HAAO: variants seen among roughly 807,000 people sequenced by gnomAD.
HAAO encodes 3-hydroxyanthranilate oxygenase.
In HAAO, 49 loss-of-function variants were observed where a neutral mutation model predicts 46.2. That is an observed-to-expected ratio of 1.06 (90% CI 0.84 to 1.34). The LOEUF (loss-of-function observed/expected upper bound fraction) is 1.34. Among genes scored for constraint, HAAO ranks in the 40% most tolerant of loss-of-function variants. The pLI is 0.00. For synonymous variants in HAAO, 157 were observed against 145.2 expected (o/e 1.08, Z -0.58); for missense variants, 408 against 364.5 (o/e 1.12, Z -0.97).
At chr2:42,791,326 T>A (rs1672782703) in intron 1 of HAAO, among the ~76,000 whole-genome samples, 1 of 152,076 alleles carries the variant, frequency 6.6e-6, no homozygotes, top group South Asian at 2.1e-4. Context: ...CCCGGGCAGA[T>A]GGACGCGAGA....
chr2:42,769,716 G>C lies in HAAO; in HGVS notation c.627C>G (p.Thr209=). ...PLSLFGDTYE[T]QVIAYGQGSS... The stretch of plus-strand genomic sequence containing the variant: ...GGATGCCCCAGGACTACATTACCTG[G>C]GTCTCATAGGTGTCCCCAAACAGGC... Residue 209 remains threonine, a synonymous_variant, in exon 7 of 10, where the codon ACC becomes ACG. Transcript: ENST00000294973. 1 of 1,609,192 alleles carries C rather than the reference G, an allele frequency of 6.2e-7. No individual in the cohort carries two copies. Among genetic ancestry groups the C allele is most frequent in the Middle Eastern group, 1.7e-4 (1 of 6,030 alleles).
intron 4 of HAAO, among the ~76,000 whole-genome samples, chr2:42,776,384 A>G (rs1378437469): frequency 6.6e-6 from 1 of 151,676 alleles, no homozygotes; most frequent in Non-Finnish European, 1.5e-5. Context: ...GATTACAGGT[A>G]TGTGCCACCA....
intron 8 of HAAO, 38 bp from the exon 9 acceptor site, chr2:42,767,715 T>C (rs1462957145): frequency 1.3e-6 from 2 of 1,557,592 alleles, no homozygotes; most frequent in South Asian, 2.3e-5. Context: ...TGGAGACTGT[T>C]GGGCCTCATC....
chr2:42,788,896 A>C, intron 1 of HAAO: 1 of 397,268 alleles, frequency 2.5e-6, no homozygotes, highest in South Asian at 2.9e-5. Context: ...CTATGGCTTC[A>C]TCAACCAGGA....
chr2:42,770,578 A>G lies in HAAO; in HGVS notation c.355T>C (p.Tyr119His). The change falls in exon 5 of 10, where the codon TAT (tyrosine) becomes CAT (histidine). Residue 119 changes from tyrosine to histidine, a missense_variant. By Grantham distance (83) the Tyr-to-His change is moderately conservative. Transcript: ENST00000294973. ...AGAACGTCCATGGTGTCGCCCACAT[A>G]GTACCTGCCAGAGCAGAGGACAGGC... Reference protein sequence around the residue: ...LETELDGLRYYVGDTMDVLFE... With the variant: ...LETELDGLRYHVGDTMDVLFE... 6.5e-7 allele frequency: 1 copy of G among 1,549,330 alleles called. No homozygotes were observed. The highest frequency in any genetic ancestry group is 8.7e-7 in the Non-Finnish European group (1 of 1,145,382).
At chr2:42,769,540 G>A (rs900208881) in intron 7 of HAAO, among the ~76,000 whole-genome samples, 173 bp downstream of exon 7, 1 of 151,976 alleles carries the variant, frequency 6.6e-6, no homozygotes, top group Admixed American at 6.6e-5. Flanking sequence ...GGAGCACAAA[G>A]GCCTATGCTC....
chr2:42,785,496 T>C (rs1337624828), intron 2 of HAAO, among the ~76,000 whole-genome samples: 1 of 152,188 alleles, frequency 6.6e-6, no homozygotes, highest in African/African-American at 2.4e-5. Flanking sequence ...CGTGGTGGGA[T>C]TATGAATGAG....
Position 42,792,438 on chromosome 2 carries a change from A to G in HAAO, c.80+19T>C. On this transcript the variant is annotated intron_variant, in intron 1 of 9. Coordinates refer to ENST00000294973, the MANE Select transcript of HAAO (RefSeq NM_012205.3). ...GAGGAGGCGAGGGCAGGGGGCGGCC[A>G]TGGGGGTGCTGGACTCACATGAGCT... 6.7e-7 allele frequency: 1 copy of G among 1,490,636 alleles called. No individual in the cohort carries two copies. The highest frequency in any genetic ancestry group is 1.2e-5 in the South Asian group (1 of 82,068). The allele number at this position is 1,490,636 out of a possible 1,614,324, so 92.3% of individuals were successfully genotyped here.
intron 2 of HAAO, among the ~76,000 whole-genome samples, chr2:42,785,905 C>A (rs1279552058): frequency 6.6e-6 from 1 of 152,046 alleles, no homozygotes; most frequent in Non-Finnish European, 1.5e-5. Context: ...ACAAAAACCC[C>A]ATAAGCATTA....
At chr2:42,787,104 C>T (rs912235853) in intron 2 of HAAO, among the ~76,000 whole-genome samples, 59 of 152,338 alleles carry the variant, frequency 3.9e-4, no homozygotes, top group South Asian at 6.2e-4. Context: ...CTCCCAGACA[C>T]CTGGGCGTCC....
At position 42,782,657 on chromosome 2, in the gene HAAO, C is replaced by T. The variant is rs531204568; in HGVS notation, c.350+657G>A. ...GCTTAGGGCAAGCCTGCCCCCCATT[C>T]GATGCAAAGTTACCCCTCTGCTCAC... On this transcript the variant is annotated intron_variant, in intron 4 of 9. Coordinates refer to ENST00000294973, the MANE Select transcript of HAAO (RefSeq NM_012205.3). The T allele has an allele frequency of 3.0e-5, 5 of 164,774 alleles. No homozygotes were observed. In the South Asian group the frequency reaches 4.0e-4, roughly 13 times the overall value. The allele number at this position is 164,774 out of a possible 1,614,324, so 10.2% of individuals were successfully genotyped here.
intron 2 of HAAO, 38 bp downstream of exon 2, chr2:42,788,491 C>A: frequency 7.5e-7 from 1 of 1,333,698 alleles, no homozygotes; most frequent in Middle Eastern, 1.9e-4. Flanking sequence ...AGGCTCCTTG[C>A]CCGCAGGCCT....
At chr2:42,781,559 T>C (rs185179540) in intron 4 of HAAO, among the ~76,000 whole-genome samples, 2 of 152,292 alleles carry the variant, frequency 1.3e-5, no homozygotes, top group East Asian at 1.9e-4. Flanking sequence ...TCAAAGCCAA[T>C]TTAAAAGCCT....
rs565142760 is a variant in HAAO at position 42,772,908 on chromosome 2, TGATA to T, written c.351-2330_351-2327del. On this transcript the variant is annotated intron_variant, in intron 4 of 9. Transcript: ENST00000294973. The stretch of plus-strand genomic sequence containing the variant: ...TCACGCCACTGCATTCCAGCGTGGG[TGATA>T]GATAGAGTGAGCCCCCATATCAAAA... 3.4e-3 allele frequency among the ~76,000 whole-genome samples: 469 copies of T among 139,668 alleles called. 4 individuals are homozygous for T. The highest frequency in any genetic ancestry group is 0.012 in the African/African-American group (447 of 36,896). 91.6% of individuals were successfully genotyped at this position (139,668 alleles called of 152,430 possible).
intron 1 of HAAO, among the ~76,000 whole-genome samples, chr2:42,791,945 T>G (rs1040715049): frequency 1.3e-5 from 2 of 151,758 alleles, no homozygotes; most frequent in African/African-American, 4.8e-5. Context: ...TGTGTGTTCG[T>G]GCACACCTGC....
intron 2 of HAAO, among the ~76,000 whole-genome samples, chr2:42,785,037 T>C (rs2104665824): frequency 6.6e-6 from 1 of 152,358 alleles, no homozygotes; most frequent in East Asian, 1.9e-4. Context: ...CTGTTTTCAA[T>C]GCAGTGCATA....
chr2:42,767,982 G>A, intron 7 of HAAO, 54 bp from the exon 8 acceptor site: 1 of 1,520,598 alleles, frequency 6.6e-7, no homozygotes, highest in South Asian at 1.1e-5. Flanking sequence ...CATGGGAGAT[G>A]GTCTTGAACC....
In HAAO at chr2:42,792,540, T is replaced by C. The variant is rs1401227787; in HGVS notation, c.-4A>G. The C allele has an allele frequency of 6.4e-7, 1 of 1,560,408 alleles. No individual in the cohort carries two copies. The highest frequency in any genetic ancestry group is 2.5e-5 in the East Asian group (1 of 39,580). On this transcript the variant is annotated 5_prime_UTR_variant, in exon 1 of 10. Coordinates refer to ENST00000294973, the MANE Select transcript of HAAO (RefSeq NM_012205.3). ...TCACTCCCAGGCGGCGCTCCATGACTGTCCCGGGCGCCTCCTCGCAGCGCT... is the reference window on the plus strand; with the variant it reads ...TCACTCCCAGGCGGCGCTCCATGACCGTCCCGGGCGCCTCCTCGCAGCGCT...
intron 1 of HAAO, 135 bp from the exon 2 acceptor site, chr2:42,788,742 G>T (rs1672573537): frequency 5.8e-6 from 4 of 688,670 alleles, no homozygotes; most frequent in Middle Eastern, 3.0e-4. Context: ...CACTGTCCCT[G>T]TTCCCCAACT....
Sources: gnomAD v4.1 joint callset for allele counts (sites outside exome capture counted in the v4.1 genomes callset) on GRCh38, gnomAD v4.1.1 for gene constraint, MANE v1.5 for transcripts, NCBI Gene and HGNC (gene_info 2026-07-23, HGNC 2026-07-21) for gene names.